CDK14: variants seen among roughly 807,000 people sequenced by gnomAD.
CDK14 encodes the protein cyclin dependent kinase 14.
Under a neutral mutation model 60.7 loss-of-function variants are expected in CDK14, and 34 were observed. The observed-to-expected ratio is 0.56, with a 90% CI of 0.43 to 0.75. The LOEUF is 0.75. Ranked by LOEUF, CDK14 falls within the 30% of genes least tolerant of loss-of-function variation. The pLI is 0.00. For missense variants in CDK14, 482 were observed against 564.1 expected (o/e 0.85, Z 1.47); for synonymous variants, 197 against 203.7 (o/e 0.97, Z 0.28).
At chr7:90,843,640 T>C (rs12672182) in intron 5 of CDK14, among the ~76,000 whole-genome samples, 109,777 of 152,028 alleles carry the variant, frequency 0.72, 39,845 homozygotes, top group East Asian at 0.89. Flanking sequence ...CATGGCAAAG[T>C]TCCCTGGGGC....
At chr7:90,994,267 A>C (rs1461849198) in intron 10 of CDK14, among the ~76,000 whole-genome samples, 1 of 152,128 alleles carries the variant, frequency 6.6e-6, no homozygotes, top group Admixed American at 6.5e-5. Context: ...CTTTCTTCAG[A>C]GTCTTAGGGC....
At chr7:90,975,713 T>C (rs922040357) in intron 9 of CDK14, among the ~76,000 whole-genome samples, 8 of 152,138 alleles carry the variant, frequency 5.3e-5, no homozygotes, top group Admixed American at 2.0e-4. Context: ...TACCAGCCTC[T>C]AGTACCTTCT....
chr7:91,038,943 T>A (rs2115986845), intron 10 of CDK14, among the ~76,000 whole-genome samples: 1 of 152,308 alleles, frequency 6.6e-6, no homozygotes, highest in Non-Finnish European at 1.5e-5. Context: ...AACCTCTTTT[T>A]CTTTCCAGTC....
At position 91,077,641 on chromosome 7, in the gene CDK14, C is replaced by T. The variant is rs111981908; in HGVS notation, c.1106-1791C>T. ...AACCTGCATGTCTTGCACATGTATC[C>T]TGGAACGTAAAGTAAAGTAAAAAAG... is the stretch of plus-strand genomic sequence containing the variant. On this transcript the variant is annotated intron_variant, in intron 11 of 14. Transcript: ENST00000380050. Among the ~76,000 whole-genome samples the T allele has an allele frequency of 7.6e-3, 1,156 of 151,878 alleles. 18 individuals are homozygous for T. The highest frequency in any genetic ancestry group is 0.026 in the African/African-American group (1,096 of 41,368).
intron 14 of CDK14, among the ~76,000 whole-genome samples, chr7:91,124,538 G>A (rs1333672135): frequency 1.3e-5 from 2 of 151,128 alleles, no homozygotes; most frequent in Non-Finnish European, 2.9e-5. Context: ...GTTTTAAAAA[G>A]CAAAGTGGCT....
chr7:91,018,579 G>A (rs1022366156), intron 10 of CDK14, among the ~76,000 whole-genome samples: 1 of 152,182 alleles, frequency 6.6e-6, no homozygotes, highest in Non-Finnish European at 1.5e-5. Context: ...CAAATCTCAT[G>A]TCGAATTGTA....
chr7:90,661,476 A>G (rs975834322), intron 2 of CDK14, among the ~76,000 whole-genome samples: 2 of 152,192 alleles, frequency 1.3e-5, no homozygotes, highest in East Asian at 1.9e-4. Context: ...TCTTTGGAAT[A>G]TATGCTAGTC....
intron 5 of CDK14, among the ~76,000 whole-genome samples, chr7:90,802,340 G>C (rs921071212): frequency 1.3e-5 from 2 of 152,136 alleles, no homozygotes; most frequent in Non-Finnish European, 2.9e-5. Context: ...GAATTCAGCT[G>C]TTTTATTGGC....
rs59658757 is a variant in CDK14, at chr7:91,201,280, T to C, written c.*29-5885T>C. On this transcript the variant is annotated intron_variant, in intron 14 of 14. Transcript: ENST00000380050. ...GCTTTCTTTCTGTCAAATGTTAGTATTTTTTTCTTCTCTGTTAGGCATATT... is the reference window on the plus strand; with the variant it reads ...GCTTTCTTTCTGTCAAATGTTAGTACTTTTTTCTTCTCTGTTAGGCATATT... Among the ~76,000 whole-genome samples, 18 of 152,228 alleles carry C rather than the reference T, an allele frequency of 1.2e-4. No homozygotes were observed. In the East Asian group the frequency reaches 3.1e-3, roughly 26 times the overall value.
chr7:91,043,680 A>G (rs1227514714), intron 10 of CDK14, among the ~76,000 whole-genome samples: 1 of 152,182 alleles, frequency 6.6e-6, no homozygotes. Flanking sequence ...CATCCAGCCC[A>G]TCAATAATGT....
At chr7:90,647,999 C>T (rs1800507889) in intron 2 of CDK14, among the ~76,000 whole-genome samples, 1 of 152,114 alleles carries the variant, frequency 6.6e-6, no homozygotes, top group Admixed American at 6.5e-5. Flanking sequence ...TGAAGAGGGT[C>T]CTTTGAGGGT....
intron 10 of CDK14, among the ~76,000 whole-genome samples, chr7:91,031,445 A>G (rs1056739809): frequency 6.6e-6 from 1 of 152,186 alleles, no homozygotes; most frequent in Non-Finnish European, 1.5e-5. Context: ...TAGATACAGC[A>G]TTATATCTTG....
intron 4 of CDK14, among the ~76,000 whole-genome samples, chr7:90,764,185 G>A (rs1804443090): frequency 6.6e-6 from 1 of 152,104 alleles, no homozygotes; most frequent in Non-Finnish European, 1.5e-5. Context: ...TTCGTGGGAG[G>A]TTAATGAACT....
At chr7:90,869,942 T>TG (rs1432389836) in intron 6 of CDK14, among the ~76,000 whole-genome samples, 3 of 152,206 alleles carry the variant, frequency 2.0e-5, no homozygotes, top group African/African-American at 7.2e-5. Context: ...ATTGCTTCTT[T>TG]GGACTGTTAG....
intron 10 of CDK14, among the ~76,000 whole-genome samples, chr7:91,015,418 G>C (rs909133166): frequency 2.6e-5 from 4 of 151,376 alleles, no homozygotes; most frequent in African/African-American, 9.7e-5. Flanking sequence ...TATGCCATCT[G>C]CTCCCAGAAT....
intron 7 of CDK14, among the ~76,000 whole-genome samples, chr7:90,907,405 C>T (rs2117381307): frequency 6.6e-6 from 1 of 151,820 alleles, no homozygotes; most frequent in African/African-American, 2.4e-5. Context: ...TTCATGTGTT[C>T]TTTAAAAATT....
At chr7:91,062,489 G>A (rs564414676) in intron 11 of CDK14, among the ~76,000 whole-genome samples, 50 of 151,876 alleles carry the variant, frequency 3.3e-4, no homozygotes, top group African/African-American at 1.1e-3. Context: ...CTTCTTCGTC[G>A]CTCACGGTGG....
chr7:91,084,056 G>A (rs1422473348), intron 12 of CDK14, among the ~76,000 whole-genome samples: 1 of 152,122 alleles, frequency 6.6e-6, no homozygotes, highest in African/African-American at 2.4e-5. Context: ...TTTTGAGGTA[G>A]GGCAGATATT....
At chr7:91,011,058 T>C (rs1376551131) in intron 10 of CDK14, among the ~76,000 whole-genome samples, 2 of 151,996 alleles carry the variant, frequency 1.3e-5, no homozygotes, top group African/African-American at 4.8e-5. Flanking sequence ...AGCCTGATAC[T>C]GCTTGCAGAC....
Sources: allele counts gnomAD v4.1 joint callset (sites outside exome capture counted in the v4.1 genomes callset), GRCh38; gene constraint gnomAD v4.1.1; transcripts MANE v1.5; gene names NCBI Gene and HGNC (gene_info 2026-07-23, HGNC 2026-07-21).